THADA: variants seen among roughly 807,000 people sequenced by gnomAD.
THADA encodes THADA armadillo repeat containing, also known as tRNA (32-2'-O)-methyltransferase regulator THADA.
In THADA, 213 loss-of-function variants were observed where a neutral mutation model predicts 219.8. That is an observed-to-expected ratio of 0.97 (90% CI 0.87 to 1.09). THADA has a LOEUF of 1.09. THADA is among the 50% of genes least tolerant of loss of function. The pLI, the probability that THADA is intolerant of heterozygous loss-of-function variation, is 0.00. For synonymous variants in THADA, 1,018 were observed against 828.9 expected, an observed-to-expected ratio of 1.23 and a Z score of -3.92; for missense variants, 2,956 against 2,311.3, an observed-to-expected ratio of 1.28 and a Z score of -5.72.
intron 29 of THADA, among the ~76,000 whole-genome samples, chr2:43,382,928 A>T (rs1384104925): frequency 1.3e-5 from 2 of 152,244 alleles, no homozygotes; most frequent in Non-Finnish European, 2.9e-5. Flanking sequence ...AAGGAATATA[A>T]TTATAAATTA....
chr2:43,550,170 G>C (rs1574212656), intron 19 of THADA, among the ~76,000 whole-genome samples: 2 of 152,334 alleles, frequency 1.3e-5, no homozygotes, highest in Admixed American at 1.3e-4. Flanking sequence ...GGAATGAATG[G>C]ATGTAGGTAG....
intron 35 of THADA, among the ~76,000 whole-genome samples, chr2:43,280,565 G>A (rs891245055): frequency 3.3e-5 from 5 of 152,178 alleles, no homozygotes; most frequent in African/African-American, 1.2e-4. Context: ...CTGAGAGGCA[G>A]AGGTTGCAGT....
At position 43,592,679 on chromosome 2, in the gene THADA, TGAA is replaced by T. The variant is rs771827267; in HGVS notation, c.-24-266_-24-264del. Reference sequence around the variant, plus strand: ...AATCACTGTCTAAGAATTTCTGATTTGAAGAAGAAAAATGTTTTAAGCTGAAGC... The same window carrying T: ...AATCACTGTCTAAGAATTTCTGATTTGAAGAAAAATGTTTTAAGCTGAAGC... On this transcript the variant is annotated intron_variant, in intron 1 of 37. Transcript: ENST00000405975. Among the ~76,000 whole-genome samples, 14 of 152,310 alleles carry T rather than the reference TGAA, an allele frequency of 9.2e-5. No individual in the cohort carries two copies. In the East Asian group the frequency reaches 2.7e-3, roughly 29 times the overall value.
chr2:43,243,130 C>G (rs901860576), intron 36 of THADA, among the ~76,000 whole-genome samples: 18 of 152,192 alleles, frequency 1.2e-4, no homozygotes, highest in African/African-American at 4.3e-4. Flanking sequence ...CTGGGCAGCT[C>G]CTCCTCCCTG....
At chr2:43,251,622 G>A (rs1043970794) in intron 36 of THADA, among the ~76,000 whole-genome samples, 1 of 152,228 alleles carries the variant, frequency 6.6e-6, no homozygotes, top group African/African-American at 2.4e-5. Flanking sequence ...AGATGTGGCA[G>A]GGCCACAGGG....
intron 22 of THADA, among the ~76,000 whole-genome samples, chr2:43,510,742 G>C (rs151331511): frequency 6.6e-6 from 1 of 151,052 alleles, no homozygotes; most frequent in African/African-American, 2.4e-5. Context: ...AGGCTGAGGC[G>C]GGAGGATCAC....
intron 29 of THADA, among the ~76,000 whole-genome samples, chr2:43,345,021 C>T (rs1667485506): frequency 6.6e-6 from 1 of 152,206 alleles, no homozygotes; most frequent in Non-Finnish European, 1.5e-5. Context: ...AAGAGAAATC[C>T]TTCAGTCTCC....
At position 43,515,105 on chromosome 2, in the gene THADA, TATATTTTATATATA is replaced by T. The variant is rs1489345274; in HGVS notation, c.3375-6339_3375-6326del. Among the ~76,000 whole-genome samples, 52 of 25,980 alleles carry T rather than the reference TATATTTTATATATA, an allele frequency of 2.0e-3. 12 individuals are homozygous for T. Among genetic ancestry groups the T allele is most frequent in the African/African-American group, 6.5e-3 (51 of 7,852 alleles). 17.0% of individuals were successfully genotyped at this position (25,980 alleles called of 152,430 possible). A position where few individuals can be genotyped will look rare whatever the true frequency, so the allele number is the denominator to read the frequency against. ...ATATAAATATATATATTATATATAA[TATATTTTATATATA>T]ATATATTTTATATATAATATATAAT... On this transcript the variant is annotated intron_variant, in intron 22 of 37. Coordinates refer to ENST00000405975, the MANE Select transcript of THADA (RefSeq NM_022065.5).
At chr2:43,590,082 G>T (rs542762204) in intron 4 of THADA, among the ~76,000 whole-genome samples, 3 of 152,200 alleles carry the variant, frequency 2.0e-5, no homozygotes, top group African/African-American at 4.8e-5. Context: ...TACCAAAACG[G>T]TAAGTGACAA....
intron 36 of THADA, among the ~76,000 whole-genome samples, chr2:43,278,096 G>A (rs1572884246): frequency 6.6e-6 from 1 of 151,922 alleles, no homozygotes; most frequent in East Asian, 1.9e-4. Flanking sequence ...GATTACGGGT[G>A]CCCGCCACCA....
chr2:43,390,012 T>A (rs1673162735), intron 29 of THADA, among the ~76,000 whole-genome samples: 1 of 152,226 alleles, frequency 6.6e-6, no homozygotes, highest in African/African-American at 2.4e-5. Context: ...TAGTATGTAC[T>A]TAACTTCTCA....
intron 37 of THADA, 23 bp downstream of exon 37, chr2:43,232,690 C>G (rs1667581483): frequency 6.2e-7 from 1 of 1,612,234 alleles, no homozygotes; most frequent in East Asian, 2.2e-5. Flanking sequence ...CTGCCTCCTA[C>G]TCCCCTGACA....
chr2:43,523,928 T>TG (rs139281769), intron 22 of THADA, among the ~76,000 whole-genome samples: 3,836 of 152,250 alleles, frequency 0.025, 100 homozygotes, highest in African/African-American at 0.071. Flanking sequence ...CAAATTAAAG[T>TG]TGGATTCCCA....
intron 30 of THADA, chr2:43,333,156 T>A (rs1665983241): frequency 6.6e-6 from 1 of 152,252 alleles, no homozygotes; most frequent in African/African-American, 2.4e-5. Context: ...GTTTTGCACC[T>A]TGTCCCACTG....
At chr2:43,439,010 G>C (rs983217090) in intron 26 of THADA, among the ~76,000 whole-genome samples, 1 of 152,162 alleles carries the variant, frequency 6.6e-6, no homozygotes, top group Non-Finnish European at 1.5e-5. Context: ...TATGTGATAA[G>C]ATAAAGTGAA....
intron 30 of THADA, among the ~76,000 whole-genome samples, chr2:43,335,966 G>A (rs996281837): frequency 3.3e-5 from 5 of 151,938 alleles, no homozygotes; most frequent in African/African-American, 9.7e-5. Context: ...GTGTGGTGGC[G>A]GGCGCCTGCA....
rs778208081 is a variant in THADA at position 43,590,875 on chromosome 2, C to T, written c.251G>A (p.Gly84Asp). The T allele has an allele frequency of 1.7e-5, 27 of 1,613,642 alleles. No homozygotes were observed. Among genetic ancestry groups the T allele is most frequent in the Non-Finnish European group, 1.2e-5 (14 of 1,179,810 alleles). The change falls in exon 4 of 38, where the codon GGC becomes GAC. Residue 84 changes from glycine to aspartate, a missense_variant. Gly to Asp is a moderately conservative substitution (Grantham distance 94). Transcript: ENST00000405975. Reference protein sequence around the residue: ...TIQSCLDILAGIYLSLSLKNP... With the variant: ...TIQSCLDILADIYLSLSLKNP... ...CTTTAGACTCAAAGAAAGATAAATG[C>T]CTGCTAAGATATCCAAACAACTTTG...
Position 43,309,127 on chromosome 2 carries a change from C to G in THADA, c.4438+11319G>C, listed in dbSNP as rs1222029625. ...TCTTACAACCCAGTAAGACAAACAACTCGAATTTAAAAAGCAATGTATAAA... is the reference window on the plus strand; with the variant it reads ...TCTTACAACCCAGTAAGACAAACAAGTCGAATTTAAAAAGCAATGTATAAA... On this transcript the variant is annotated intron_variant, in intron 31 of 37. Coordinates refer to ENST00000405975, the MANE Select transcript of THADA (RefSeq NM_022065.5). Among the ~76,000 whole-genome samples the G allele has an allele frequency of 3.9e-5, 6 of 152,264 alleles. No individual in the cohort carries two copies. In the East Asian group the frequency reaches 1.2e-3, roughly 29 times the overall value.
At chr2:43,517,685 C>T (rs75857730) in intron 22 of THADA, among the ~76,000 whole-genome samples, 8,514 of 152,194 alleles carry the variant, frequency 0.056, 350 homozygotes, top group Middle Eastern at 0.082. Context: ...ATCAAACGCA[C>T]GTGCACTTCA....
Sources: gnomAD v4.1 joint callset for allele counts (sites outside exome capture counted in the v4.1 genomes callset) on GRCh38, gnomAD v4.1.1 for gene constraint, MANE v1.5 for transcripts, NCBI Gene and HGNC (gene_info 2026-07-23, HGNC 2026-07-21) for gene names.